The following ARAP2 variants were observed in gnomAD, a reference collection of about 807,000 sequenced individuals.
The protein encoded by ARAP2 is arf-GAP with Rho-GAP domain, ANK repeat and PH domain-containing protein 2.
Under a neutral mutation model 194.5 loss-of-function variants are expected in ARAP2, and 148 were observed. That is an observed-to-expected ratio of 0.76 (90% CI 0.67 to 0.87). ARAP2 has a LOEUF of 0.87. Among genes scored for constraint, ARAP2 ranks in the 40% least tolerant of loss-of-function variants. The probability of loss-of-function intolerance (pLI) is 0.00; values close to 1 mark genes in which losing one functional copy is unlikely to be tolerated. For synonymous variants in ARAP2, 695 were observed against 683.5 expected, an observed-to-expected ratio of 1.02 and a Z score of -0.26; for missense variants, 2,128 against 1,989.7, an observed-to-expected ratio of 1.07 and a Z score of -1.32.
intron 6 of ARAP2, among the ~76,000 whole-genome samples, chr4:36,201,154 CCAGA>C (rs1304208933): frequency 6.6e-6 from 1 of 152,158 alleles, no homozygotes; most frequent in Non-Finnish European, 1.5e-5. Flanking sequence ...ATTTAATCCT[CCAGA>C]CAAACATGTG....
At chr4:36,169,330 T>C (rs1376894674) in intron 9 of ARAP2, among the ~76,000 whole-genome samples, 3 of 152,132 alleles carry the variant, frequency 2.0e-5, no homozygotes, top group Non-Finnish European at 1.5e-5. Flanking sequence ...CATAATACTC[T>C]GACCATCATA....
chr4:36,039,223 C>T (rs1720426788), intron 5 of ARAP2, among the ~76,000 whole-genome samples: 1 of 152,194 alleles, frequency 6.6e-6, no homozygotes, highest in Admixed American at 6.5e-5. Context: ...CTCTTAGTCA[C>T]ATGCAGAAAA....
chr4:36,241,864 C>T (rs1753582246), intron 1 of ARAP2, among the ~76,000 whole-genome samples: 1 of 152,136 alleles, frequency 6.6e-6, no homozygotes, highest in African/African-American at 2.4e-5. Flanking sequence ...AATCTCAAAT[C>T]TGCCACCTAA....
intron 8 of ARAP2, among the ~76,000 whole-genome samples, chr4:36,184,816 T>A (rs1408249919): frequency 6.6e-6 from 1 of 152,138 alleles, no homozygotes; most frequent in Non-Finnish European, 1.5e-5. Flanking sequence ...AACCAAACCA[T>A]AAGGAAAGAC....
At chr4:36,105,365 T>C (rs1263091111) in intron 27 of ARAP2, among the ~76,000 whole-genome samples, 1 of 151,900 alleles carries the variant, frequency 6.6e-6, no homozygotes, top group Non-Finnish European at 1.5e-5. Context: ...GAATATTTCA[T>C]CCAAATCTCT....
At chr4:36,225,686 A>G (rs1750146475) in intron 2 of ARAP2, among the ~76,000 whole-genome samples, 1 of 152,160 alleles carries the variant, frequency 6.6e-6, no homozygotes, top group African/African-American at 2.4e-5. Context: ...GAGAGGAAGG[A>G]GGCAGGAGGG....
Position 36,017,564 on chromosome 4 carries a change from T to TAAAAAAAAAAAAAAAAAAAA in ARAP2, n.750+1560_750+1579dup, listed in dbSNP as rs71199694. 9.4e-5 allele frequency among the ~76,000 whole-genome samples: 4 copies of TAAAAAAAAAAAAAAAAAAAA among 42,572 alleles called. 1 individual carries two copies. The highest frequency in any genetic ancestry group is 3.5e-4 in the African/African-American group (3 of 8,642). 27.9% of individuals were successfully genotyped at this position (42,572 alleles called of 152,430 possible). A position where few individuals can be genotyped will look rare whatever the true frequency, so the allele number is the denominator to read the frequency against. On this transcript the variant is annotated intron_variant and non_coding_transcript_variant, in intron 6 of 12. Transcript: ENST00000503225. The stretch of plus-strand genomic sequence containing the variant: ...TTTAAGCAAAGACCTAAGAAAGTGG[T>TAAAAAAAAAAAAAAAAAAAA]AAAAAAAAAAAAAAAAAAAAAAAGC...
chr4:36,230,584 T>A (rs758369701), intron 1 of ARAP2, among the ~76,000 whole-genome samples: 18 of 152,332 alleles, frequency 1.2e-4, no homozygotes, highest in Non-Finnish European at 1.9e-4. Flanking sequence ...AAAATAAAAT[T>A]TTTTAAAAGT....
chr4:36,195,552 T>TCA (rs914064038), intron 6 of ARAP2, among the ~76,000 whole-genome samples: 1 of 152,226 alleles, frequency 6.6e-6, no homozygotes, highest in Non-Finnish European at 1.5e-5. Flanking sequence ...ACAACCCACT[T>TCA]CACACTGGGA....
chr4:36,161,676 AT>A (rs1733995636), intron 11 of ARAP2, 126 bp from the exon 12 acceptor site: 1 of 674,810 alleles, frequency 1.5e-6, no homozygotes, highest in Non-Finnish European at 2.6e-6. Context: ...AAACACACCA[AT>A]ACCTGCTTTC....
chr4:36,086,848 A>G (rs1245215325), intron 28 of ARAP2, among the ~76,000 whole-genome samples: 2 of 152,100 alleles, frequency 1.3e-5, no homozygotes, highest in East Asian at 1.9e-4. Context: ...ATATTCTCTG[A>G]AACCTCTCCC....
chr4:36,018,098 A>C (rs1403342084), intron 6 of ARAP2, among the ~76,000 whole-genome samples: 1 of 152,118 alleles, frequency 6.6e-6, no homozygotes, highest in Non-Finnish European at 1.5e-5. Context: ...TCACTGTGTG[A>C]CTTAAAGTAT....
intron 19 of ARAP2, 53 bp downstream of exon 19, chr4:36,147,243 T>C: frequency 4.0e-6 from 6 of 1,516,354 alleles, no homozygotes; most frequent in Non-Finnish European, 5.4e-6. Flanking sequence ...AAAAACAAAA[T>C]CCCGCTGCCC....
rs1272506073 is a variant in ARAP2, at chr4:36,161,409, C to G, written c.2259+56G>C. The G allele has an allele frequency of 3.5e-6, 5 of 1,436,766 alleles. No homozygotes were observed. In the African/African-American group the frequency reaches 7.0e-5, roughly 20 times the overall value. 89.0% of individuals were successfully genotyped at this position (1,436,766 alleles called of 1,614,324 possible). A position where few individuals can be genotyped will look rare whatever the true frequency, so the allele number is the denominator to read the frequency against. ...CCCAAACCCACAGCAAACCTCCTCC[C>G]AGTCTCTGCAAACTGAACCCCTATC... is the stretch of plus-strand genomic sequence containing the variant. On this transcript the variant is annotated intron_variant, in intron 12 of 32. Transcript: ENST00000303965.
chr4:36,221,127 G>A (rs1210066655), intron 2 of ARAP2, among the ~76,000 whole-genome samples: 1 of 151,934 alleles, frequency 6.6e-6, no homozygotes, highest in Non-Finnish European at 1.5e-5. Flanking sequence ...ATTTCCTACA[G>A]TTCAGTACAG....
At chr4:36,069,849 G>A (rs1273521764) in intron 32 of ARAP2, among the ~76,000 whole-genome samples, 1 of 152,136 alleles carries the variant, frequency 6.6e-6, no homozygotes, top group Non-Finnish European at 1.5e-5. Flanking sequence ...GTTTTCATGA[G>A]TGGTTTTAGT....
intron 2 of ARAP2, among the ~76,000 whole-genome samples, chr4:36,220,864 T>C (rs1271543492): frequency 6.6e-6 from 1 of 152,130 alleles, no homozygotes; most frequent in African/African-American, 2.4e-5. Context: ...TAAAAAGTTA[T>C]AATAAGCTAG....
intron 15 of ARAP2, chr4:36,157,336 A>G (rs1732798599): frequency 6.6e-6 from 1 of 151,882 alleles, no homozygotes; most frequent in Non-Finnish European, 1.5e-5. Flanking sequence ...CTGATCACTT[A>G]TCTTTTAACT....
At chr4:36,107,986 A>T (rs906662069) in intron 26 of ARAP2, among the ~76,000 whole-genome samples, 1 of 151,806 alleles carries the variant, frequency 6.6e-6, no homozygotes, top group Non-Finnish European at 1.5e-5. Flanking sequence ...AAATCTCAGA[A>T]TTCTACCTTT....
Sources: allele counts gnomAD v4.1 joint callset (sites outside exome capture counted in the v4.1 genomes callset), GRCh38; gene constraint gnomAD v4.1.1; transcripts MANE v1.5; gene names NCBI Gene and HGNC (gene_info 2026-07-23, HGNC 2026-07-21).